MBD5: variants seen among roughly 807,000 people sequenced by gnomAD.
MBD5 encodes the protein methyl-CpG-binding domain protein 5.
Under a neutral mutation model 117.3 loss-of-function variants are expected in MBD5, and 13 were observed. That is an observed-to-expected ratio of 0.11 (90% confidence interval 0.07 to 0.18). The LOEUF is 0.18. Ranked by LOEUF, MBD5 falls within the 10% of genes least tolerant of loss-of-function variation. The pLI is 1.00. For synonymous variants in MBD5, 727 were observed against 766.4 expected (o/e 0.95, Z 0.85); for missense variants, 1,879 against 2,093.8 (o/e 0.90, Z 2.00).
intron 1 of MBD5, among the ~76,000 whole-genome samples, chr2:148,119,164 G>A (rs565116617): frequency 1.3e-4 from 20 of 152,114 alleles, no homozygotes; most frequent in South Asian, 1.0e-3. Flanking sequence ...GTTTCTTCAT[G>A]TCCTTACCAA....
intron 4 of MBD5, among the ~76,000 whole-genome samples, chr2:148,426,202 A>G (rs1362050368): frequency 2.6e-5 from 4 of 152,242 alleles, no homozygotes; most frequent in Non-Finnish European, 5.9e-5. Context: ...GGAAGAATCA[A>G]TATTGTGAAA....
intron 1 of MBD5, among the ~76,000 whole-genome samples, chr2:148,115,947 G>T (rs1289940498): frequency 2.6e-5 from 4 of 152,022 alleles, no homozygotes; most frequent in Non-Finnish European, 5.9e-5. Flanking sequence ...AGGCTCAGGT[G>T]ATCCTCCTAC....
chr2:148,366,134 G>A (rs189981297), intron 4 of MBD5, among the ~76,000 whole-genome samples: 4 of 152,130 alleles, frequency 2.6e-5, no homozygotes, highest in South Asian at 4.2e-4. Context: ...CACCATGATC[G>A]AGTCGACTTC....
chr2:148,488,704 T>C (rs964462149), intron 10 of MBD5, among the ~76,000 whole-genome samples: 1 of 152,060 alleles, frequency 6.6e-6, no homozygotes, highest in Admixed American at 6.5e-5. Context: ...TTTTTCAAAC[T>C]GCCCTCATCC....
intron 1 of MBD5, among the ~76,000 whole-genome samples, chr2:148,057,277 T>A (rs1030163313): frequency 2.0e-5 from 3 of 151,904 alleles, no homozygotes; most frequent in African/African-American, 7.2e-5. Flanking sequence ...TTCTGCTGAC[T>A]TTTAACTTTT....
intron 3 of MBD5, among the ~76,000 whole-genome samples, chr2:148,323,336 T>C (rs534326900): frequency 8.0e-4 from 122 of 152,178 alleles, no homozygotes; most frequent in African/African-American, 2.8e-3. Flanking sequence ...AGCAGCATGA[T>C]TTATAGTCCT....
intron 4 of MBD5, among the ~76,000 whole-genome samples, chr2:148,421,413 C>A (rs540148077): frequency 6.6e-6 from 1 of 152,326 alleles, no homozygotes; most frequent in African/African-American, 2.4e-5. Context: ...GCGCTTTTCC[C>A]ATGGTCTTTG....
At chr2:148,284,492 T>A (rs1372706985) in intron 3 of MBD5, among the ~76,000 whole-genome samples, 1 of 152,196 alleles carries the variant, frequency 6.6e-6, no homozygotes, top group Non-Finnish European at 1.5e-5. Context: ...TTGCATTTGA[T>A]CTGGGTTTCA....
chr2:148,146,286 G>A lies in MBD5; in HGVS notation c.-924-32414G>A, dbSNP rs114976635. 7.2e-3 allele frequency among the ~76,000 whole-genome samples: 1,101 copies of A among 152,120 alleles called. 8 individuals carry two copies. The highest frequency in any genetic ancestry group is 0.01 in the Non-Finnish European group (704 of 67,988). The stretch of plus-strand genomic sequence containing the variant: ...ATTTGTTTTGTTTTTTTGAGACAGG[G>A]TCTTGCCCTTTTGCCCAGGCTGAAG... On this transcript the variant is annotated intron_variant, in intron 1 of 13. Coordinates refer to ENST00000642680, the MANE Select transcript of MBD5 (RefSeq NM_001378120.1).
chr2:148,474,599 G>A lies in MBD5; in HGVS notation c.2518+4138G>A, dbSNP rs555851887. Among the ~76,000 whole-genome samples the A allele has an allele frequency of 3.3e-5, 5 of 151,992 alleles. No individual in the cohort carries two copies. In the South Asian group the frequency reaches 6.2e-4, roughly 19 times the overall value. On this transcript the variant is annotated intron_variant, in intron 8 of 13. Coordinates refer to ENST00000642680, the MANE Select transcript of MBD5 (RefSeq NM_001378120.1). ...AAAATTTAATCCTCTGAGGGGACAC[G>A]GTATGGGTTTGTGCCAGAAGAGAAA... is the stretch of plus-strand genomic sequence containing the variant.
chr2:148,202,068 A>G (rs865779311), intron 2 of MBD5, among the ~76,000 whole-genome samples: 2 of 152,204 alleles, frequency 1.3e-5, no homozygotes, highest in Non-Finnish European at 2.9e-5. Context: ...CCCTGCCTCT[A>G]TCTGCCTAGG....
chr2:148,477,508 A>G (rs542768133), intron 8 of MBD5, among the ~76,000 whole-genome samples: 2 of 152,320 alleles, frequency 1.3e-5, no homozygotes, highest in African/African-American at 4.8e-5. Flanking sequence ...GTAAATACAC[A>G]TTACCATTCC....
chr2:148,059,708 G>A (rs1694974229), intron 1 of MBD5, among the ~76,000 whole-genome samples: 1 of 151,952 alleles, frequency 6.6e-6, no homozygotes, highest in African/African-American at 2.4e-5. Flanking sequence ...TTAGCCGGGC[G>A]TGTGGCGGGC....
At chr2:148,212,565 C>T (rs1010821228) in intron 2 of MBD5, among the ~76,000 whole-genome samples, 18 of 151,600 alleles carry the variant, frequency 1.2e-4, no homozygotes, top group South Asian at 2.1e-4. Context: ...CAGTCTTTGA[C>T]GTGTATTTTA....
chr2:148,202,608 AAG>A (rs1276332187), intron 2 of MBD5, among the ~76,000 whole-genome samples: 3 of 152,238 alleles, frequency 2.0e-5, no homozygotes, highest in Non-Finnish European at 4.4e-5. Context: ...TTTAATCACA[AAG>A]AGAAACTATT....
chr2:148,258,854 T>C (rs774121008), intron 3 of MBD5, among the ~76,000 whole-genome samples: 3 of 152,182 alleles, frequency 2.0e-5, no homozygotes, highest in African/African-American at 7.2e-5. Context: ...CTTCCCCTTC[T>C]TTAAGGCGCA....
intron 1 of MBD5, among the ~76,000 whole-genome samples, chr2:148,076,996 A>G (rs979936145): frequency 2.0e-5 from 3 of 152,222 alleles, no homozygotes; most frequent in African/African-American, 7.2e-5. Flanking sequence ...AAGGGTCAGG[A>G]AAAGAAATGA....
chr2:148,363,071 T>C (rs183251925), intron 4 of MBD5, among the ~76,000 whole-genome samples: 1 of 152,062 alleles, frequency 6.6e-6, no homozygotes, highest in Non-Finnish European at 1.5e-5. Context: ...AAACCCAGAA[T>C]GCCTCTTCTC....
chr2:148,402,162 T>C lies in MBD5; in HGVS notation c.-556-56041T>C, dbSNP rs561812668. Among the ~76,000 whole-genome samples, 3 of 152,264 alleles carry C rather than the reference T, an allele frequency of 2.0e-5. No individual in the cohort carries two copies. The South Asian group carries it at 6.2e-4, about 32-fold the overall frequency. On this transcript the variant is annotated intron_variant, in intron 4 of 13. Coordinates refer to ENST00000642680, the MANE Select transcript of MBD5 (RefSeq NM_001378120.1). ...TTTCCCCCTTTGTCATTAATAACTA[T>C]GTGGAAAGAGATACTTTGAGACTAT...
Sources: gnomAD v4.1 joint callset for allele counts (sites outside exome capture counted in the v4.1 genomes callset) on GRCh38, gnomAD v4.1.1 for gene constraint, MANE v1.5 for transcripts, NCBI Gene and HGNC (gene_info 2026-07-23, HGNC 2026-07-21) for gene names.